Variants in PRKN observed in about 807,000 individuals in gnomAD.
PRKN encodes the protein parkin RBR E3 ubiquitin protein ligase.
In PRKN, 56 loss-of-function variants were observed where a neutral mutation model predicts 59.5. The observed-to-expected ratio is 0.94, with a 90% CI of 0.76 to 1.18. PRKN has a LOEUF of 1.18. Ranked by LOEUF, PRKN falls within the 50% of genes most tolerant of loss-of-function variation. PRKN has a pLI of 0.00. For synonymous variants in PRKN, 250 were observed against 222.1 expected, an observed-to-expected ratio of 1.13 and a Z score of -1.12; for missense variants, 657 against 596.4, an observed-to-expected ratio of 1.10 and a Z score of -1.06.
At chr6:162,657,715 G>A (rs563481825) in intron 1 of PRKN, among the ~76,000 whole-genome samples, 28 of 152,256 alleles carry the variant, frequency 1.8e-4, no homozygotes, top group Non-Finnish European at 3.8e-4. Context: ...GAAAATTAGT[G>A]GAAGACCCTC....
chr6:161,450,371 A>AT lies in PRKN; in HGVS notation c.1084-63495dup, dbSNP rs139913521. ...CATCCCATGTTGCGAAGCTCCATCT[A>AT]TTGTGAGAACTTCTGCCCTGCCGGC... On this transcript the variant is annotated intron_variant, in intron 9 of 11. Coordinates refer to ENST00000366898, the MANE Select transcript of PRKN (RefSeq NM_004562.3). Among the ~76,000 whole-genome samples the AT allele has an allele frequency of 3.8e-3, 582 of 152,308 alleles. 2 individuals are homozygous for AT. Among genetic ancestry groups the AT allele is most frequent in the African/African-American group, 0.013 (550 of 41,564 alleles).
chr6:161,644,294 T>C (rs1452131151), intron 7 of PRKN, among the ~76,000 whole-genome samples: 1 of 152,218 alleles, frequency 6.6e-6, no homozygotes, highest in African/African-American at 2.4e-5. Flanking sequence ...TACAGATTGA[T>C]CATCCATAAA....
intron 9 of PRKN, among the ~76,000 whole-genome samples, chr6:161,450,131 C>T (rs1343392954): frequency 6.6e-6 from 1 of 152,130 alleles, no homozygotes; most frequent in Non-Finnish European, 1.5e-5. Flanking sequence ...TCTTGGTGTT[C>T]CTTTATACCT....
At chr6:161,920,935 G>A (rs1476318168) in intron 6 of PRKN, among the ~76,000 whole-genome samples, 1 of 152,104 alleles carries the variant, frequency 6.6e-6, no homozygotes, top group Non-Finnish European at 1.5e-5. Flanking sequence ...TATGAACACT[G>A]TACATCTAGG....
At chr6:161,381,912 A>G (rs1259904714) in intron 10 of PRKN, among the ~76,000 whole-genome samples, 1 of 151,976 alleles carries the variant, frequency 6.6e-6, no homozygotes, top group African/African-American at 2.4e-5. Flanking sequence ...GGAGATTGAG[A>G]CCATCCTGGC....
intron 2 of PRKN, among the ~76,000 whole-genome samples, chr6:162,403,559 C>T (rs187154226): frequency 3.3e-5 from 5 of 152,212 alleles, no homozygotes; most frequent in Admixed American, 6.5e-5. Context: ...AAGAGGGCAC[C>T]GGTGATTCCT....
At chr6:162,342,598 AT>A (rs892284883) in intron 2 of PRKN, among the ~76,000 whole-genome samples, 2 of 152,160 alleles carry the variant, frequency 1.3e-5, no homozygotes, top group African/African-American at 4.8e-5. Context: ...GACACGACAA[AT>A]AATTAAGTGT....
chr6:162,172,973 C>G (rs903612773), intron 4 of PRKN, among the ~76,000 whole-genome samples: 1 of 152,104 alleles, frequency 6.6e-6, no homozygotes, highest in Non-Finnish European at 1.5e-5. Flanking sequence ...CAGAAACAGC[C>G]TAGGGGTGAG....
intron 9 of PRKN, among the ~76,000 whole-genome samples, chr6:161,411,166 C>T (rs1057355145): frequency 6.6e-6 from 1 of 152,120 alleles, no homozygotes; most frequent in Non-Finnish European, 1.5e-5. Flanking sequence ...AGGTCAGTGA[C>T]ATGGCTTGGC....
At chr6:162,318,757 T>A (rs1411470429) in intron 2 of PRKN, among the ~76,000 whole-genome samples, 1 of 152,012 alleles carries the variant, frequency 6.6e-6, no homozygotes, top group Non-Finnish European at 1.5e-5. Flanking sequence ...AGTTACATTT[T>A]ATAAACATAG....
chr6:162,111,334 ATG>A (rs1352777607), intron 4 of PRKN, among the ~76,000 whole-genome samples: 1 of 152,076 alleles, frequency 6.6e-6, no homozygotes, highest in Admixed American at 6.6e-5. Flanking sequence ...GTGTTGTGGC[ATG>A]CATCTGTAGT....
At chr6:162,654,850 G>C (rs1210172748) in intron 1 of PRKN, among the ~76,000 whole-genome samples, 1 of 151,960 alleles carries the variant, frequency 6.6e-6, no homozygotes, top group African/African-American at 2.4e-5. Flanking sequence ...TGAAGTGGGG[G>C]GGGAAATCCC....
chr6:161,902,919 G>A (rs1236515467), intron 6 of PRKN, among the ~76,000 whole-genome samples: 1 of 152,166 alleles, frequency 6.6e-6, no homozygotes, highest in Non-Finnish European at 1.5e-5. Context: ...AACACCTCAT[G>A]CTGCCTGTAT....
At chr6:162,263,923 G>A (rs1333537555) in intron 2 of PRKN, among the ~76,000 whole-genome samples, 2 of 146,952 alleles carry the variant, frequency 1.4e-5, no homozygotes, top group Non-Finnish European at 3.0e-5. Context: ...CTACATAGAA[G>A]CAGTTACTCA....
intron 1 of PRKN, among the ~76,000 whole-genome samples, chr6:162,451,991 A>G (rs1449910574): frequency 6.6e-6 from 1 of 152,210 alleles, no homozygotes; most frequent in East Asian, 1.9e-4. Flanking sequence ...TGAAAACAAC[A>G]AGAAAAGTTT....
chr6:161,728,777 G>T (rs531953668), intron 7 of PRKN, among the ~76,000 whole-genome samples: 2 of 152,128 alleles, frequency 1.3e-5, no homozygotes, highest in African/African-American at 4.8e-5. Context: ...CAAAACCACC[G>T]TATGAGTTCC....
At chr6:162,295,803 A>G (rs1583331018) in intron 2 of PRKN, among the ~76,000 whole-genome samples, 1 of 152,146 alleles carries the variant, frequency 6.6e-6, no homozygotes, top group South Asian at 2.1e-4. Flanking sequence ...ACTTCTGCAT[A>G]GGTGGCTGCC....
chr6:161,411,853 CCTT>C (rs1787558620), intron 9 of PRKN, among the ~76,000 whole-genome samples: 1 of 145,626 alleles, frequency 6.9e-6, no homozygotes, highest in Non-Finnish European at 1.5e-5. Context: ...CTCCCTCATT[CCTT>C]CCTCACCCAT....
intron 6 of PRKN, among the ~76,000 whole-genome samples, chr6:161,972,644 A>T (rs547376649): frequency 6.6e-6 from 1 of 152,356 alleles, no homozygotes; most frequent in South Asian, 2.1e-4. Context: ...AAGCCTCAGC[A>T]TAAATATAGG....
Sources: allele counts gnomAD v4.1 joint callset (sites outside exome capture counted in the v4.1 genomes callset), GRCh38; gene constraint gnomAD v4.1.1; transcripts MANE v1.5; gene names NCBI Gene and HGNC (gene_info 2026-07-23, HGNC 2026-07-21).